Variants in TSPAN2 observed in about 807,000 individuals in gnomAD.
TSPAN2 encodes the protein tetraspanin 2, also known as tetraspanin-2.
Under a neutral mutation model 33.3 loss-of-function variants are expected in TSPAN2, and 24 were observed. That is an observed-to-expected ratio of 0.72 (90% CI 0.52 to 1.01). The LOEUF (loss-of-function observed/expected upper bound fraction) is 1.01. TSPAN2 is among the 50% of genes least tolerant of loss of function. TSPAN2 has a pLI of 0.00. For missense variants in TSPAN2, 278 were observed against 281.3 expected (o/e 0.99, Z 0.08); for synonymous variants, 114 against 104.5 (o/e 1.09, Z -0.56).
intron 1 of TSPAN2, among the ~76,000 whole-genome samples, chr1:115,084,093 C>T (rs575021181): frequency 6.6e-6 from 1 of 152,276 alleles, no homozygotes; most frequent in East Asian, 1.9e-4. Context: ...ATGTAAAACA[C>T]CTGCCTGCTT....
intron 2 of TSPAN2, among the ~76,000 whole-genome samples, chr1:115,064,138 T>C (rs1398604179): frequency 6.6e-6 from 1 of 152,126 alleles, no homozygotes; most frequent in Non-Finnish European, 1.5e-5. Flanking sequence ...CAAAACAACG[T>C]GGTTAGGTAA....
At chr1:115,056,499 T>C (rs1207182817) in intron 6 of TSPAN2, among the ~76,000 whole-genome samples, 2 of 152,246 alleles carry the variant, frequency 1.3e-5, no homozygotes, top group Non-Finnish European at 2.9e-5. Flanking sequence ...TTTCTGCCTC[T>C]GTGTTGTTGC....
chr1:115,068,961 G>A (rs1648054315), intron 2 of TSPAN2, among the ~76,000 whole-genome samples: 2 of 152,180 alleles, frequency 1.3e-5, no homozygotes, highest in Admixed American at 1.3e-4. Flanking sequence ...GCCCCACCAG[G>A]AGGAGCTGGG....
chr1:115,073,373 G>A (rs1201571143), intron 1 of TSPAN2, among the ~76,000 whole-genome samples: 1 of 152,086 alleles, frequency 6.6e-6, no homozygotes, highest in East Asian at 1.9e-4. Context: ...TCCCTTGCTG[G>A]GCATGTTGGA....
At chr1:115,052,869 T>TA (rs1228912953) in intron 7 of TSPAN2, among the ~76,000 whole-genome samples, 12 of 152,236 alleles carry the variant, frequency 7.9e-5, no homozygotes, top group African/African-American at 2.2e-4. Context: ...ATAAGGTTTA[T>TA]ATATTAACAG....
intron 4 of TSPAN2, among the ~76,000 whole-genome samples, chr1:115,059,540 C>T (rs574363062): frequency 6.6e-6 from 1 of 152,180 alleles, no homozygotes; most frequent in African/African-American, 2.4e-5. Context: ...TCCTGTTACC[C>T]CATTGGTTAA....
At chr1:115,061,159 G>A (rs968765568) in intron 3 of TSPAN2, among the ~76,000 whole-genome samples, 2 of 152,190 alleles carry the variant, frequency 1.3e-5, no homozygotes, top group African/African-American at 2.4e-5. Context: ...GAATGGCAAA[G>A]AAATAAGTCA....
Position 115,073,011 on chromosome 1 carries a change from G to A in TSPAN2, c.70-4C>T. 6.2e-7 allele frequency: 1 copy of A among 1,612,930 alleles called. No individual in the cohort carries two copies. The highest frequency in any genetic ancestry group is 1.7e-4 in the Middle Eastern group (1 of 6,058). On this transcript the variant is annotated splice_region_variant and splice_polypyrimidine_tract_variant and intron_variant, in intron 1 of 7. Coordinates refer to ENST00000369516, the MANE Select transcript of TSPAN2 (RefSeq NM_005725.6). ...CAATGACGGCCGATCCAGCCAGCTG[G>A]AAGGCAAACGACACTGTGTTTACAG...
chr1:115,065,052 G>A (rs1647890811), intron 2 of TSPAN2, among the ~76,000 whole-genome samples: 1 of 152,186 alleles, frequency 6.6e-6, no homozygotes, highest in Admixed American at 6.5e-5. Flanking sequence ...AAAACAACCT[G>A]AAGCTGCCCT....
At chr1:115,059,783 G>A (rs1394902172) in intron 4 of TSPAN2, among the ~76,000 whole-genome samples, 1 of 152,118 alleles carries the variant, frequency 6.6e-6, no homozygotes, top group Non-Finnish European at 1.5e-5. Flanking sequence ...TTCAAAAGGA[G>A]GTGACATTTA....
At chr1:115,078,393 C>A (rs996111948) in intron 1 of TSPAN2, among the ~76,000 whole-genome samples, 1 of 152,090 alleles carries the variant, frequency 6.6e-6, no homozygotes, top group Non-Finnish European at 1.5e-5. Context: ...GAATGGAGGA[C>A]CTTCACAAAG....
chr1:115,080,277 T>C (rs997653028), intron 1 of TSPAN2, among the ~76,000 whole-genome samples: 4 of 152,126 alleles, frequency 2.6e-5, no homozygotes, highest in African/African-American at 9.7e-5. Context: ...GATGGCTGTG[T>C]AGTTTTCTTG....
Position 115,058,950 on chromosome 1 carries a change from T to A in TSPAN2, c.377A>T (p.Glu126Val), listed in dbSNP as rs1647548383. 6.2e-7 allele frequency: 1 copy of A among 1,614,144 alleles called. No homozygotes were observed. ...AIRHVQTMYE[E>V]AYNDYLKDRG... ...GTCTTTAAGGTAATCATTGTAAGCC[T>A]CTTCATACATGGTCTGAACATGTCG... Residue 126 changes from glutamate to valine, a missense_variant, in exon 5 of 8, where the codon GAG becomes GTG. By Grantham distance (121) the Glu-to-Val change is moderately radical. Transcript: ENST00000369516.
chr1:115,071,258 G>T (rs1369778373), intron 2 of TSPAN2, among the ~76,000 whole-genome samples: 1 of 152,146 alleles, frequency 6.6e-6, no homozygotes, highest in African/African-American at 2.4e-5. Flanking sequence ...ATGCAATTTT[G>T]ACTAATAAGC....
chr1:115,068,967 C>T (rs1038568670), intron 2 of TSPAN2, among the ~76,000 whole-genome samples: 1 of 152,202 alleles, frequency 6.6e-6, no homozygotes, highest in Non-Finnish European at 1.5e-5. Flanking sequence ...CCAGGAGGAG[C>T]TGGGAAGCCC....
At chr1:115,053,866 G>A (rs1647283826) in intron 6 of TSPAN2, among the ~76,000 whole-genome samples, 1 of 152,150 alleles carries the variant, frequency 6.6e-6, no homozygotes, top group Non-Finnish European at 1.5e-5. Flanking sequence ...TACTTTCTAT[G>A]TCTTTGACCC....
intron 3 of TSPAN2, among the ~76,000 whole-genome samples, chr1:115,060,887 C>T (rs1371425310): frequency 6.6e-6 from 1 of 152,114 alleles, no homozygotes; most frequent in African/African-American, 2.4e-5. Context: ...CACCTACGTG[C>T]TTAGTAAATA....
chr1:115,059,955 G>C (rs1246962702), intron 4 of TSPAN2, among the ~76,000 whole-genome samples: 3 of 152,116 alleles, frequency 2.0e-5, no homozygotes, highest in African/African-American at 7.2e-5. Context: ...GAGGAAGAAA[G>C]GCTACTTCCT....
rs1056274560 is a variant in TSPAN2 at position 115,063,411 on chromosome 1, T to C, written c.173-1179A>G. ...AGTCAGAATGGCTTTTGTTAAAAAG[T>C]CAAAAATAACAGATGTTGGCAAGGC... On this transcript the variant is annotated intron_variant, in intron 2 of 7. Coordinates refer to ENST00000369516, the MANE Select transcript of TSPAN2 (RefSeq NM_005725.6). Among the ~76,000 whole-genome samples the C allele has an allele frequency of 3.3e-5, 5 of 152,010 alleles. No homozygotes were observed. In the East Asian group the frequency reaches 7.7e-4, roughly 23 times the overall value.
Sources: allele counts gnomAD v4.1 joint callset (sites outside exome capture counted in the v4.1 genomes callset), GRCh38; gene constraint gnomAD v4.1.1; transcripts MANE v1.5; gene names NCBI Gene and HGNC (gene_info 2026-07-23, HGNC 2026-07-21).